Variants in TRIM37 observed in about 807,000 individuals in gnomAD.
The protein encoded by TRIM37 is E3 ubiquitin-protein ligase TRIM37.
TRIM37 carries 80 observed loss-of-function variants against 129.8 expected under a neutral mutation model. The observed-to-expected ratio is 0.62, with a 90% confidence interval of 0.51 to 0.74. TRIM37 has a LOEUF of 0.74. Ranked by LOEUF, TRIM37 falls within the 30% of genes least tolerant of loss-of-function variation. TRIM37 has a pLI of 0.00. For missense variants in TRIM37, 1,054 were observed against 1,176.5 expected (o/e 0.90, Z 1.52); for synonymous variants, 389 against 387.1 (o/e 1.00, Z -0.06).
chr17:59,000,650 G>A (rs1473834738), intron 23 of TRIM37, among the ~76,000 whole-genome samples: 1 of 152,010 alleles, frequency 6.6e-6, no homozygotes, highest in Non-Finnish European at 1.5e-5. Context: ...AGAAAACAAG[G>A]GAAAATATTA....
intron 8 of TRIM37, among the ~76,000 whole-genome samples, chr17:59,074,277 T>C (rs540356245): frequency 6.6e-6 from 1 of 152,162 alleles, no homozygotes; most frequent in East Asian, 1.9e-4. Flanking sequence ...ATTTGACACA[T>C]GTTTGTATAT....
intron 7 of TRIM37, among the ~76,000 whole-genome samples, chr17:59,077,303 C>T (rs1218888611): frequency 6.6e-6 from 1 of 151,264 alleles, no homozygotes; most frequent in Non-Finnish European, 1.5e-5. Context: ...GGGGTTTCAC[C>T]ACATTGCCCA....
chr17:58,979,740 G>C (rs2031251349), downstream of TRIM37, among the ~76,000 whole-genome samples: 2 of 152,178 alleles, frequency 1.3e-5, no homozygotes, highest in African/African-American at 4.8e-5. Flanking sequence ...GTCTAAGCTA[G>C]GTAAGGACTT....
chr17:59,104,126 C>A (rs753328006), intron 2 of TRIM37, among the ~76,000 whole-genome samples, 167 bp downstream of exon 2: 1 of 152,158 alleles, frequency 6.6e-6, no homozygotes, highest in Non-Finnish European at 1.5e-5. Context: ...ATTTAAGCTC[C>A]TTCAAGGCAG....
intron 22 of TRIM37, among the ~76,000 whole-genome samples, chr17:59,003,001 C>T (rs1458277676): frequency 6.6e-6 from 1 of 152,174 alleles, no homozygotes. Context: ...GATCCTCCCA[C>T]CTCAGCCTCC....
downstream of TRIM37, chr17:58,979,825 T>C (rs927405907): frequency 4.4e-5 from 29 of 654,970 alleles, no homozygotes; most frequent in Middle Eastern, 4.1e-4. Context: ...TTTAAGTATT[T>C]TGTCAAAAAC....
At chr17:59,067,457 T>C (rs2042004404) in intron 9 of TRIM37, among the ~76,000 whole-genome samples, 1 of 152,108 alleles carries the variant, frequency 6.6e-6, no homozygotes. Context: ...TTCAGACCAG[T>C]AACCTCATCA....
At chr17:59,083,856 C>T in intron 5 of TRIM37, 146 bp downstream of exon 5, 3 of 702,918 alleles carry the variant, frequency 4.3e-6, no homozygotes, top group Non-Finnish European at 7.4e-6. Context: ...AATAAAAGTA[C>T]AATACCTTTA....
chr17:59,057,103 A>G (rs1491003967), intron 12 of TRIM37, 49 bp from the exon 13 acceptor site: 2 of 1,555,160 alleles, frequency 1.3e-6, no homozygotes, highest in African/African-American at 2.7e-5. Flanking sequence ...AAGTAAGAAT[A>G]AAAAACAAAC....
Position 59,026,844 on chromosome 17 carries a change from C to A in TRIM37, c.2257+1571G>T, listed in dbSNP as rs182085685. On this transcript the variant is annotated intron_variant, in intron 19 of 23. Transcript: ENST00000262294. ...ACACTTCTCAGTGATACTTAACACACTTAACACAGGGGTAACCACTCTACT... is the reference window on the plus strand; with the variant it reads ...ACACTTCTCAGTGATACTTAACACAATTAACACAGGGGTAACCACTCTACT... 3.3e-5 allele frequency among the ~76,000 whole-genome samples: 5 copies of A among 152,346 alleles called. No individual in the cohort carries two copies. The East Asian group carries it at 9.6e-4, about 29-fold the overall frequency.
At chr17:59,055,371 C>T (rs1026148275) in intron 13 of TRIM37, among the ~76,000 whole-genome samples, 7 of 146,100 alleles carry the variant, frequency 4.8e-5, no homozygotes, top group Admixed American at 1.4e-4. Context: ...TGATGGTTTT[C>T]GCAAATACCA....
the TRIM37 span, chr17:58,969,710 C>T: frequency 6.2e-7 from 1 of 1,614,118 alleles, no homozygotes; most frequent in Non-Finnish European, 8.5e-7. Context: ...GCGGTTTGTG[C>T]AGAAAGCAGC....
rs1224962925 is a variant in TRIM37 at position 59,056,917 on chromosome 17, T to C, written c.1157A>G (p.Asn386Ser). 1.9e-6 allele frequency: 3 copies of C among 1,613,718 alleles called. No individual in the cohort carries two copies. Among genetic ancestry groups the C allele is most frequent in the Admixed American group, 1.7e-5 (1 of 59,988 alleles). ...NRFFRLDLLANEGYLNPQNDT... is the reference protein window; with the variant it reads ...NRFFRLDLLASEGYLNPQNDT... ...ATTTTGTGGATTCAAGTATCCTTCA[T>C]TTGCGAGTAAGTCCAAACGGAAAAA... is the stretch of plus-strand genomic sequence containing the variant. The change falls in exon 13 of 24, where the codon AAT becomes AGT. Residue 386 changes from asparagine (N) to serine (S), a missense_variant. By Grantham distance (46) the Asn-to-Ser change is conservative. Coordinates refer to ENST00000262294, the MANE Select transcript of TRIM37 (RefSeq NM_015294.6).
intron 16 of TRIM37, among the ~76,000 whole-genome samples, chr17:59,042,430 TTAAA>T (rs1228212164): frequency 5.1e-4 from 47 of 92,092 alleles, no homozygotes; most frequent in Admixed American, 9.6e-4. Context: ...AAAAAGGAAT[TTAAA>T]AAAAAAAAAA....
chr17:58,979,957 C>T (rs1488554017), downstream of TRIM37: 4 of 1,597,142 alleles, frequency 2.5e-6, no homozygotes, highest in Admixed American at 1.7e-5. Context: ...GATGCCCCTA[C>T]ACTCTGCTTC....
chr17:59,051,087 T>G, intron 14 of TRIM37, 127 bp downstream of exon 14: 1 of 689,848 alleles, frequency 1.4e-6, no homozygotes, highest in Non-Finnish European at 2.5e-6. Flanking sequence ...ACAAGATAAC[T>G]AGATTTTTTT....
At chr17:59,087,072 A>G (rs2043816592) in intron 4 of TRIM37, among the ~76,000 whole-genome samples, 1 of 152,118 alleles carries the variant, frequency 6.6e-6, no homozygotes, top group Admixed American at 6.6e-5. Context: ...AAGTCCAGTT[A>G]AACTTGAATA....
At chr17:59,105,189 A>G (rs771941600) in intron 1 of TRIM37, among the ~76,000 whole-genome samples, 2 of 152,174 alleles carry the variant, frequency 1.3e-5, no homozygotes, top group Admixed American at 1.3e-4. Context: ...CAAAAGGTAT[A>G]AACTGATTTT....
Position 59,079,720 on chromosome 17 carries a change from ACCAGGTACCCCAGCAG to A in TRIM37, c.616+18_616+33del, listed in dbSNP as rs763680890. 6.2e-7 allele frequency: 1 copy of A among 1,613,256 alleles called. No individual in the cohort carries two copies. Among genetic ancestry groups the A allele is most frequent in the Non-Finnish European group, 8.5e-7 (1 of 1,179,414 alleles). On this transcript the variant is annotated intron_variant, in intron 7 of 23. Transcript: ENST00000262294. ...ACTGAATCTCAAAGAAGCTGAAAGCACCAGGTACCCCAGCAGCATACATAAACACTTACCCATCAGT... is the reference window on the plus strand; with the variant it reads ...ACTGAATCTCAAAGAAGCTGAAAGCACATACATAAACACTTACCCATCAGT...
Sources: gnomAD v4.1 joint callset for allele counts (sites outside exome capture counted in the v4.1 genomes callset) on GRCh38, gnomAD v4.1.1 for gene constraint, MANE v1.5 for transcripts, NCBI Gene and HGNC (gene_info 2026-07-23, HGNC 2026-07-21) for gene names.